Variants in DOK6 observed in about 807,000 individuals in gnomAD.
DOK6 encodes the protein downstream of tyrosine kinase 6.
DOK6 carries 22 observed loss-of-function variants against 44.0 expected under a neutral mutation model. That is an observed-to-expected ratio of 0.50 (90% CI 0.36 to 0.71). DOK6 has a LOEUF of 0.71. Ranked by LOEUF, DOK6 falls within the 30% of genes least tolerant of loss-of-function variation. The pLI is 0.00. For synonymous variants in DOK6, 166 were observed against 145.5 expected (o/e 1.14, Z -1.01); for missense variants, 340 against 416.4 (o/e 0.82, Z 1.60).
chr18:69,659,336 C>T lies in DOK6; in HGVS notation c.290-18398C>T, dbSNP rs545004556. Among the ~76,000 whole-genome samples the T allele has an allele frequency of 7.2e-5, 11 of 152,308 alleles. No homozygotes were observed. In the East Asian group the frequency reaches 2.1e-3, roughly 29 times the overall value. ...CTCCAAATGGTTCAAAGTATTGACA[C>T]AATGGTGTCCATTAGAAAAAGATAA... On this transcript the variant is annotated intron_variant, in intron 3 of 7. Transcript: ENST00000382713.
chr18:69,562,505 T>G (rs2144596388), intron 1 of DOK6, among the ~76,000 whole-genome samples: 1 of 152,296 alleles, frequency 6.6e-6, no homozygotes, highest in South Asian at 2.1e-4. Flanking sequence ...AGGATTGCCT[T>G]GGCAATGCAG....
intron 1 of DOK6, among the ~76,000 whole-genome samples, chr18:69,406,582 C>T (rs1470588658): frequency 6.6e-6 from 1 of 152,150 alleles, no homozygotes; most frequent in African/African-American, 2.4e-5. Flanking sequence ...TTAAAAATGG[C>T]ATTCCTTTTC....
At chr18:69,633,114 C>T (rs1469140458) in intron 3 of DOK6, among the ~76,000 whole-genome samples, 1 of 152,142 alleles carries the variant, frequency 6.6e-6, no homozygotes. Flanking sequence ...TTGTCAAGAA[C>T]TATTGTTTTA....
Position 69,739,101 on chromosome 18 carries a change from C to T in DOK6, c.736C>T (p.Arg246Trp), listed in dbSNP as rs1418331368. The T allele has an allele frequency of 3.4e-5, 55 of 1,613,710 alleles. No homozygotes were observed. The highest frequency in any genetic ancestry group is 4.2e-5 in the Non-Finnish European group (50 of 1,179,774). Reference protein sequence around the residue: ...RLMLEMEQKARLQTSLTEPMT... With the variant: ...RLMLEMEQKAWLQTSLTEPMT... ...AATGCTAGAAATGGAACAGAAGGCCCGGGTAAGGCCCCTTCCTTGGTAACC... is the reference window on the plus strand; with the variant it reads ...AATGCTAGAAATGGAACAGAAGGCCTGGGTAAGGCCCCTTCCTTGGTAACC... The change falls in exon 6 of 8, where the codon CGG becomes TGG. Residue 246 changes from arginine (R) to tryptophan (W), a missense_variant and splice_region_variant. Physicochemically the swap from Arg to Trp is moderately radical, Grantham distance 101. Transcript: ENST00000382713.
intron 3 of DOK6, among the ~76,000 whole-genome samples, chr18:69,668,879 A>T (rs770197980): frequency 6.6e-6 from 1 of 152,208 alleles, no homozygotes; most frequent in Non-Finnish European, 1.5e-5. Context: ...GTTTGTAATT[A>T]AAAGTACTTT....
intron 1 of DOK6, among the ~76,000 whole-genome samples, chr18:69,512,910 C>T (rs1981413223): frequency 6.6e-6 from 1 of 152,128 alleles, no homozygotes; most frequent in Non-Finnish European, 1.5e-5. Flanking sequence ...ATTCAAATTT[C>T]CTTTAAAATC....
chr18:69,670,366 C>T (rs1178573280), intron 3 of DOK6, among the ~76,000 whole-genome samples: 2 of 152,068 alleles, frequency 1.3e-5, no homozygotes, highest in East Asian at 3.9e-4. Flanking sequence ...TGCCAACCAC[C>T]TCAGAAGAGT....
intron 1 of DOK6, among the ~76,000 whole-genome samples, chr18:69,439,832 G>T (rs355984): frequency 6.6e-6 from 1 of 152,154 alleles, no homozygotes; most frequent in African/African-American, 2.4e-5. Flanking sequence ...TATGATTCAT[G>T]TGTTCACTGT....
chr18:69,437,205 G>A (rs940521371), intron 1 of DOK6, among the ~76,000 whole-genome samples: 1 of 152,236 alleles, frequency 6.6e-6, no homozygotes, highest in South Asian at 2.1e-4. Flanking sequence ...CATTGCTTTT[G>A]GTGTTATAGT....
At chr18:69,536,982 T>TATC (rs1982140561) in intron 1 of DOK6, among the ~76,000 whole-genome samples, 3 of 143,360 alleles carry the variant, frequency 2.1e-5, no homozygotes, top group South Asian at 2.1e-4. Flanking sequence ...GATTTATCAT[T>TATC]ATTATTATTA....
At chr18:69,484,429 T>C (rs148097370) in intron 1 of DOK6, among the ~76,000 whole-genome samples, 45 of 152,304 alleles carry the variant, frequency 3.0e-4, no homozygotes, top group Admixed American at 2.2e-3. Flanking sequence ...TTTATATCAC[T>C]GTCCTAAAAT....
intron 1 of DOK6, among the ~76,000 whole-genome samples, chr18:69,529,753 C>T (rs1031401068): frequency 1.8e-4 from 28 of 152,128 alleles, no homozygotes; most frequent in African/African-American, 3.9e-4. Flanking sequence ...TGCCCTATTC[C>T]GTGCAATCTT....
chr18:69,617,578 A>G (rs922374715), intron 3 of DOK6, among the ~76,000 whole-genome samples: 9 of 103,582 alleles, frequency 8.7e-5, no homozygotes, highest in East Asian at 2.6e-4. Context: ...AAAAGAAAGA[A>G]AGAGAGAGAG....
intron 6 of DOK6, among the ~76,000 whole-genome samples, chr18:69,752,214 T>C (rs1393219203): frequency 6.6e-6 from 1 of 152,058 alleles, no homozygotes; most frequent in Non-Finnish European, 1.5e-5. Flanking sequence ...AACCCAAATA[T>C]ATAAATTCAA....
At chr18:69,821,655 A>C (rs2145124399) in intron 7 of DOK6, among the ~76,000 whole-genome samples, 1 of 152,282 alleles carries the variant, frequency 6.6e-6, no homozygotes, top group Admixed American at 6.5e-5. Flanking sequence ...ACAGGATAAA[A>C]GCTTGATTCC....
chr18:69,626,651 A>G (rs952628640), intron 3 of DOK6, among the ~76,000 whole-genome samples: 6 of 152,188 alleles, frequency 3.9e-5, no homozygotes, highest in Non-Finnish European at 7.3e-5. Flanking sequence ...ACTGGTCTTA[A>G]CCAAAGGAAA....
chr18:69,772,197 T>C (rs1360782627), intron 7 of DOK6, among the ~76,000 whole-genome samples: 1 of 151,462 alleles, frequency 6.6e-6, no homozygotes, highest in African/African-American at 2.4e-5. Context: ...AAACAAATAT[T>C]GAGGAAAGAA....
At chr18:69,820,278 AC>A (rs771333422) in intron 7 of DOK6, among the ~76,000 whole-genome samples, 1 of 152,230 alleles carries the variant, frequency 6.6e-6, no homozygotes, top group Non-Finnish European at 1.5e-5. Context: ...ACTTTAATGA[AC>A]AAAAATTATT....
chr18:69,610,025 C>G (rs966641743), intron 3 of DOK6, among the ~76,000 whole-genome samples: 1 of 152,104 alleles, frequency 6.6e-6, no homozygotes, highest in Non-Finnish European at 1.5e-5. Flanking sequence ...TAGGGGCTAA[C>G]CAATGGGCAT....
Sources: allele counts gnomAD v4.1 joint callset (sites outside exome capture counted in the v4.1 genomes callset), GRCh38; gene constraint gnomAD v4.1.1; transcripts MANE v1.5; gene names NCBI Gene and HGNC (gene_info 2026-07-23, HGNC 2026-07-21).